Variants in HBP1 observed in about 807,000 individuals in gnomAD.
HBP1 encodes the protein HMG box-containing protein 1.
In HBP1, 20 loss-of-function variants were observed where a neutral mutation model predicts 62.6. The ratio of observed to expected loss-of-function variants is 0.32; its 90% CI spans 0.22 to 0.46. The LOEUF (loss-of-function observed/expected upper bound fraction) is 0.46, where lower values mean the gene tolerates loss of function less well. HBP1 is among the 20% of genes least tolerant of loss of function. HBP1 has a pLI of 1.00. For synonymous variants in HBP1, 232 were observed against 206.2 expected (o/e 1.12, Z -1.07); for missense variants, 480 against 611.8 (o/e 0.78, Z 2.27).
At chr7:107,173,002 G>A (rs1303073966) in intron 1 of HBP1, among the ~76,000 whole-genome samples, 3 of 152,164 alleles carry the variant, frequency 2.0e-5, no homozygotes, top group African/African-American at 7.2e-5. Context: ...ATCCACTAAG[G>A]GTTTTTGTTG....
chr7:107,198,888 A>G (rs1311079231), intron 9 of HBP1, among the ~76,000 whole-genome samples: 1 of 152,206 alleles, frequency 6.6e-6, no homozygotes, highest in Non-Finnish European at 1.5e-5. Flanking sequence ...GTCATCTTTT[A>G]GCTTAAAATA....
In HBP1 at chr7:107,186,655, G is replaced by A. The variant is rs369587983; in HGVS notation, c.739G>A (p.Glu247Lys). ...TAGAGCTGAAGGCTGTGATAATGAGGAAGATCTTCAAATGGGCATTCACAA... is the reference window on the plus strand; with the variant it reads ...TAGAGCTGAAGGCTGTGATAATGAGAAAGATCTTCAAATGGGCATTCACAA... ...FARAEGCDNEEDLQMGIHKGY... is the reference protein window; with the variant it reads ...FARAEGCDNEKDLQMGIHKGY... Residue 247 changes from glutamate to lysine, a missense_variant, in exon 6 of 11, where the codon GAA (glutamate) becomes AAA (lysine). Physicochemically the swap from Glu to Lys is moderately conservative, Grantham distance 56 (BLOSUM62 1). Transcript: ENST00000222574. 16 of 1,607,386 alleles carry A rather than the reference G, an allele frequency of 1.0e-5. No individual in the cohort carries two copies. Among genetic ancestry groups the A allele is most frequent in the Admixed American group, 8.4e-5 (5 of 59,356 alleles).
rs1188082074 is a variant in HBP1 at position 107,190,277 on chromosome 7, A to G, written c.1027A>G (p.Ile343Val). 2 of 1,611,026 alleles carry G rather than the reference A, an allele frequency of 1.2e-6. No individual in the cohort carries two copies. Among genetic ancestry groups the G allele is most frequent in the East Asian group, 2.2e-5 (1 of 44,766 alleles). Residue 343 changes from isoleucine to valine, a missense_variant, in exon 8 of 11, where the codon ATT becomes GTT. By Grantham distance (29) the Ile-to-Val change is conservative. Transcript: ENST00000222574. ...TCTACCTCCTGGACACCCCGATGCCATTAATTTTGATGATTCAGGTGTTTT... is the reference window on the plus strand; with the variant it reads ...TCTACCTCCTGGACACCCCGATGCCGTTAATTTTGATGATTCAGGTGTTTT... ...VCLPPGHPDA[I>V]NFDDSGVFDT...
intron 1 of HBP1, chr7:107,173,343 C>T (rs1796693240): frequency 6.6e-6 from 1 of 152,142 alleles, no homozygotes; most frequent in African/African-American, 2.4e-5. Flanking sequence ...ATAGAAGATC[C>T]TGCTGTGGAT....
chr7:107,195,179 G>A (rs915070022), intron 8 of HBP1, among the ~76,000 whole-genome samples: 1 of 152,130 alleles, frequency 6.6e-6, no homozygotes, highest in African/African-American at 2.4e-5. Flanking sequence ...GTGCTGCCAC[G>A]CCTAGCTGAT....
chr7:107,174,129 T>C (rs76933738), intron 1 of HBP1, among the ~76,000 whole-genome samples: 24,663 of 152,242 alleles, frequency 0.16, 2,388 homozygotes, highest in Non-Finnish European at 0.22. Context: ...ATATATTGAA[T>C]TCTCAGAATA....
chr7:107,197,763 A>G (rs1797995690), intron 9 of HBP1, among the ~76,000 whole-genome samples: 2 of 152,308 alleles, frequency 1.3e-5, no homozygotes, highest in East Asian at 1.9e-4. Flanking sequence ...GTTGTAATCC[A>G]TTTCTTCAGT....
chr7:107,199,063 A>T (rs1201261557), intron 9 of HBP1, among the ~76,000 whole-genome samples: 1 of 152,100 alleles, frequency 6.6e-6, no homozygotes, highest in African/African-American at 2.4e-5. Context: ...GGTTCTGCAA[A>T]TGGAATATAA....
chr7:107,171,073 A>ATATATTTTTT lies in HBP1; in HGVS notation c.-16+1889_-16+1890insATATTTTTTT. On this transcript the variant is annotated intron_variant, in intron 1 of 10. Transcript: ENST00000222574. ...TATATATATATATATATATATATATATTTTTTTTTTTTTTTGAGAGGGAGT... is the reference window on the plus strand; with the variant it reads ...TATATATATATATATATATATATATATATATTTTTTTTTTTTTTTTTTTTTGAGAGGGAGT... Among the ~76,000 whole-genome samples the ATATATTTTTT allele has an allele frequency of 7.5e-4, 65 of 87,200 alleles. 7 individuals are homozygous for ATATATTTTTT. The highest frequency in any genetic ancestry group is 2.5e-3 in the African/African-American group (38 of 15,124). The allele number at this position is 87,200 out of a possible 152,430, so 57.2% of individuals were successfully genotyped here.
At chr7:107,181,714 A>C (rs1038241801) in intron 2 of HBP1, among the ~76,000 whole-genome samples, 4 of 151,234 alleles carry the variant, frequency 2.6e-5, no homozygotes, top group African/African-American at 9.7e-5. Context: ...ACACACATAC[A>C]TACAGACATA....
At chr7:107,187,301 C>T (rs918020775) in intron 6 of HBP1, among the ~76,000 whole-genome samples, 1 of 152,018 alleles carries the variant, frequency 6.6e-6, no homozygotes, top group African/African-American at 2.4e-5. Flanking sequence ...CTAACCAAAG[C>T]CTTGCCTTAG....
At chr7:107,189,520 C>A in intron 7 of HBP1, 72 bp downstream of exon 7, 1 of 1,194,510 alleles carries the variant, frequency 8.4e-7, no homozygotes, top group South Asian at 1.6e-5. Context: ...ATGTCTGTAG[C>A]TTTGATGATT....
In HBP1 at chr7:107,202,041, T is replaced by C. The variant is rs1433790902; in HGVS notation, c.*610T>C. ...CTGCAGTTACCATGGCATGCTGAGTTGATGCACCAGGTGGCAGCAGCCATC... is the reference window on the plus strand; with the variant it reads ...CTGCAGTTACCATGGCATGCTGAGTCGATGCACCAGGTGGCAGCAGCCATC... On this transcript the variant is annotated 3_prime_UTR_variant, in exon 11 of 11. Coordinates refer to ENST00000222574, the MANE Select transcript of HBP1 (RefSeq NM_012257.4). 1 of 152,674 alleles carries C rather than the reference T, an allele frequency of 6.5e-6. No homozygotes were observed. The highest frequency in any genetic ancestry group is 2.4e-5 in the African/African-American group (1 of 41,442). 9.5% of individuals were successfully genotyped at this position (152,674 alleles called of 1,614,324 possible). A position where few individuals can be genotyped will look rare whatever the true frequency, so the allele number is the denominator to read the frequency against.
At chr7:107,181,465 C>G (rs1797104255) in intron 2 of HBP1, among the ~76,000 whole-genome samples, 1 of 151,688 alleles carries the variant, frequency 6.6e-6, no homozygotes, top group African/African-American at 2.4e-5. Flanking sequence ...GAGTAAGACC[C>G]TATCTCAAAA....
At chr7:107,175,074 TA>T (rs545375508) in intron 1 of HBP1, among the ~76,000 whole-genome samples, 92 of 146,370 alleles carry the variant, frequency 6.3e-4, no homozygotes, top group African/African-American at 1.3e-3. Context: ...GTGCTCTCTT[TA>T]AAAAAAAAAA....
chr7:107,183,110 C>T (rs1341911864), intron 3 of HBP1, among the ~76,000 whole-genome samples: 1 of 152,078 alleles, frequency 6.6e-6, no homozygotes, highest in Non-Finnish European at 1.5e-5. Flanking sequence ...TTTCATATAT[C>T]CAGACAGAGT....
In HBP1 at chr7:107,186,666, A is replaced by T. The variant is rs1797390651; in HGVS notation, c.750A>T (p.Gln250His). Residue 250 changes from glutamine to histidine, a missense_variant, in exon 6 of 11, where the codon CAA becomes CAT. Physicochemically the swap from Gln to His is conservative, Grantham distance 24 (BLOSUM62 0). Transcript: ENST00000222574. ...AEGCDNEEDL[Q>H]MGIHKGYGSD... ...GCTGTGATAATGAGGAAGATCTTCA[A>T]ATGGGCATTCACAAGGTTGATTTAA... 6.3e-7 allele frequency: 1 copy of T among 1,594,768 alleles called. No homozygotes were observed.
intron 1 of HBP1, among the ~76,000 whole-genome samples, chr7:107,177,831 GT>G (rs1796929541): frequency 1.3e-5 from 2 of 152,094 alleles, no homozygotes; most frequent in African/African-American, 4.8e-5. Context: ...GGGGTTAGAA[GT>G]AATCATATTC....
At chr7:107,187,066 C>T (rs1264884107) in intron 6 of HBP1, among the ~76,000 whole-genome samples, 1 of 152,196 alleles carries the variant, frequency 6.6e-6, no homozygotes, top group South Asian at 2.1e-4. Context: ...TCCTGGCTAA[C>T]GCGGTGAAAC....
Sources: gnomAD v4.1 joint callset for allele counts (sites outside exome capture counted in the v4.1 genomes callset) on GRCh38, gnomAD v4.1.1 for gene constraint, MANE v1.5 for transcripts, NCBI Gene and HGNC (gene_info 2026-07-23, HGNC 2026-07-21) for gene names.